The following CAB39L variants were observed in gnomAD, a reference collection of about 807,000 sequenced individuals.
CAB39L encodes the protein calcium binding protein 39 like, also known as calcium-binding protein 39-like.
CAB39L carries 23 observed loss-of-function variants against 39.1 expected under a neutral mutation model. That is an observed-to-expected ratio of 0.59 (90% CI 0.42 to 0.83). CAB39L has a LOEUF of 0.83. Ranked by LOEUF, CAB39L falls within the 40% of genes least tolerant of loss-of-function variation. The pLI, the probability that CAB39L is intolerant of heterozygous loss-of-function variation, is 0.00. For missense variants in CAB39L, 366 were observed against 391.9 expected (o/e 0.93, Z 0.56); for synonymous variants, 126 against 137.2 (o/e 0.92, Z 0.57).
At chr13:49,321,277 A>G (rs983548613) in intron 10 of CAB39L, among the ~76,000 whole-genome samples, 2 of 152,360 alleles carry the variant, frequency 1.3e-5, no homozygotes, top group South Asian at 2.1e-4. Context: ...CATTCTGTAC[A>G]TAGTACTTTG....
At chr13:49,333,400 T>C (rs1050722086) in intron 9 of CAB39L, among the ~76,000 whole-genome samples, 4 of 152,106 alleles carry the variant, frequency 2.6e-5, no homozygotes, top group Admixed American at 6.5e-5. Flanking sequence ...GCACTACTTA[T>C]GCAGCAATTT....
chr13:49,330,869 A>C (rs1321357415), intron 10 of CAB39L, among the ~76,000 whole-genome samples: 1 of 152,076 alleles, frequency 6.6e-6, no homozygotes, highest in East Asian at 1.9e-4. Context: ...AAATGAAAGT[A>C]ACCTAAATAT....
chr13:49,346,089 T>C (rs56675112), intron 7 of CAB39L, among the ~76,000 whole-genome samples: 19 of 96,526 alleles, frequency 2.0e-4, no homozygotes, highest in Non-Finnish European at 2.7e-4. Context: ...TATATATATA[T>C]ATATATGCTA....
intron 5 of CAB39L, among the ~76,000 whole-genome samples, chr13:49,375,117 A>G (rs1956019224): frequency 1.3e-5 from 2 of 152,184 alleles, no homozygotes; most frequent in African/African-American, 2.4e-5. Context: ...CTACTACTTG[A>G]CATTTGTATA....
chr13:49,369,566 G>A (rs141956185), intron 5 of CAB39L, among the ~76,000 whole-genome samples: 3 of 151,536 alleles, frequency 2.0e-5, no homozygotes, highest in Non-Finnish European at 4.4e-5. Context: ...AGGAAAAGGA[G>A]ATGATTACAA....
At chr13:49,399,408 A>G (rs1246442941) in intron 3 of CAB39L, among the ~76,000 whole-genome samples, 1 of 152,138 alleles carries the variant, frequency 6.6e-6, no homozygotes, top group Non-Finnish European at 1.5e-5. Flanking sequence ...TTCTTTAAGC[A>G]TTCATATTTA....
At chr13:49,441,221 G>GTGTATATA (rs1024957572) in intron 1 of CAB39L, among the ~76,000 whole-genome samples, 6 of 121,452 alleles carry the variant, frequency 4.9e-5, no homozygotes, top group African/African-American at 2.2e-4. Context: ...ATGATTTAGT[G>GTGTATATA]TATATATATA....
chr13:49,364,246 T>C (rs1055471726), intron 5 of CAB39L, among the ~76,000 whole-genome samples: 4 of 152,220 alleles, frequency 2.6e-5, no homozygotes, highest in South Asian at 2.1e-4. Context: ...TGGGACATGA[T>C]AACTTTTACC....
chr13:49,427,981 C>T (rs1352903683), intron 3 of CAB39L, among the ~76,000 whole-genome samples: 1 of 152,154 alleles, frequency 6.6e-6, no homozygotes, highest in Non-Finnish European at 1.5e-5. Flanking sequence ...GACTTGATCA[C>T]CTCCTAAAGG....
chr13:49,323,462 TC>T (rs1316561675), intron 10 of CAB39L, among the ~76,000 whole-genome samples: 1 of 152,206 alleles, frequency 6.6e-6, no homozygotes, highest in Non-Finnish European at 1.5e-5. Context: ...GAATCCTTAT[TC>T]TTCCCGGAGG....
intron 9 of CAB39L, 48 bp from the exon 10 acceptor site, chr13:49,332,138 T>TCAAA (rs752051091): frequency 6.3e-7 from 1 of 1,593,640 alleles, no homozygotes; most frequent in African/African-American, 1.3e-5. Context: ...GCCACCTGAT[T>TCAAA]CAAAATATAG....
intron 3 of CAB39L, among the ~76,000 whole-genome samples, chr13:49,395,252 C>CT (rs1956582948): frequency 1.3e-5 from 1 of 79,718 alleles, no homozygotes; most frequent in Non-Finnish European, 2.6e-5. Context: ...TTTTTTTTTT[C>CT]TGAGACGGAG....
chr13:49,423,785 G>T (rs1251322401), intron 3 of CAB39L, among the ~76,000 whole-genome samples: 2 of 152,114 alleles, frequency 1.3e-5, no homozygotes, highest in Non-Finnish European at 2.9e-5. Flanking sequence ...ACATAAATAA[G>T]CATTAACTGC....
chr13:49,353,437 G>A (rs757581918), intron 6 of CAB39L, among the ~76,000 whole-genome samples: 3 of 152,148 alleles, frequency 2.0e-5, no homozygotes, highest in Non-Finnish European at 4.4e-5. Context: ...CAAGATATAT[G>A]TGGATTTTTG....
chr13:49,323,486 T>C (rs1448331334), intron 10 of CAB39L, among the ~76,000 whole-genome samples: 1 of 152,204 alleles, frequency 6.6e-6, no homozygotes, highest in African/African-American at 2.4e-5. Flanking sequence ...TTCAGCTCCA[T>C]CGGAAGGTCT....
chr13:49,324,496 G>A (rs1384392752), intron 10 of CAB39L, among the ~76,000 whole-genome samples: 2 of 152,142 alleles, frequency 1.3e-5, no homozygotes, highest in African/African-American at 2.4e-5. Context: ...CTCGCAAAGC[G>A]CTTCTACGAA....
At chr13:49,324,816 T>G (rs562933324) in intron 10 of CAB39L, among the ~76,000 whole-genome samples, 9 of 152,348 alleles carry the variant, frequency 5.9e-5, no homozygotes, top group Non-Finnish European at 8.8e-5. Flanking sequence ...TTTGGTATTT[T>G]GGAAATCAAA....
intron 3 of CAB39L, among the ~76,000 whole-genome samples, chr13:49,426,455 C>G (rs1028630399): frequency 1.3e-5 from 2 of 151,822 alleles, no homozygotes; most frequent in Non-Finnish European, 2.9e-5. Flanking sequence ...GAGACGGAGT[C>G]TCGCTGTGTT....
intron 1 of CAB39L, among the ~76,000 whole-genome samples, chr13:49,437,115 A>G (rs1957430456): frequency 6.6e-6 from 1 of 152,180 alleles, no homozygotes; most frequent in Non-Finnish European, 1.5e-5. Flanking sequence ...AGCTAAAGTA[A>G]CTTTATATGG....
Sources: allele counts gnomAD v4.1 joint callset (sites outside exome capture counted in the v4.1 genomes callset), GRCh38; gene constraint gnomAD v4.1.1; transcripts MANE v1.5; gene names NCBI Gene and HGNC (gene_info 2026-07-23, HGNC 2026-07-21).